Variants in MUC17 observed in about 807,000 individuals in gnomAD.
MUC17 encodes the protein mucin 17, cell surface associated.
In MUC17, 190 loss-of-function variants were observed where a neutral mutation model predicts 170.3. The ratio of observed to expected loss-of-function variants is 1.12; its 90% CI spans 0.99 to 1.26. The LOEUF (loss-of-function observed/expected upper bound fraction) is 1.26. Among genes scored for constraint, MUC17 ranks in the 50% most tolerant of loss-of-function variants. MUC17 has a pLI of 0.00. For missense variants in MUC17, 6,415 were observed against 5,530.0 expected (o/e 1.16, Z -5.08); for synonymous variants, 2,325 against 2,002.5 (o/e 1.16, Z -4.30).
rs1448581081 is a variant in MUC17 at position 101,033,393 on chromosome 7, T to G, written c.1977T>G (p.Pro659=). ...CAACTCCTGTTGACTCCAACACTCC[T>G]GTGACCACTTCAACTGAAGCCACTT... The part of the protein sequence containing the change: ...LSTTPVDSNT[P]VTTSTEATSS... Residue 659 remains proline, a synonymous_variant, in exon 3 of 13, where the codon CCT becomes CCG. Transcript: ENST00000306151. The G allele has an allele frequency of 6.2e-7, 1 of 1,613,990 alleles. No homozygotes were observed. The highest frequency in any genetic ancestry group is 2.2e-5 in the East Asian group (1 of 44,866).
intron 1 of MUC17, among the ~76,000 whole-genome samples, chr7:101,029,888 C>T (rs1584857001): frequency 6.6e-6 from 1 of 152,076 alleles, no homozygotes. Flanking sequence ...CGTGAACCAC[C>T]GTGCCCGACC....
At position 101,048,988 on chromosome 7, in the gene MUC17, C is replaced by T. The variant is rs753044064; in HGVS notation, c.12663+16C>T. The T allele has an allele frequency of 1.1e-5, 17 of 1,613,942 alleles. No homozygotes were observed. The South Asian group carries it at 1.6e-4, about 16-fold the overall frequency. On this transcript the variant is annotated intron_variant, in intron 5 of 12. Transcript: ENST00000306151. Reference sequence around the variant, plus strand: ...CACGGAACAGGTAAGTCTGGGAGAGCAAGGCCCCATAGCTACTCAGTTCCC... The same window carrying T: ...CACGGAACAGGTAAGTCTGGGAGAGTAAGGCCCCATAGCTACTCAGTTCCC...
chr7:101,048,222 T>A (rs1794876688), intron 4 of MUC17, 107 bp downstream of exon 4: 1 of 1,137,016 alleles, frequency 8.8e-7, no homozygotes, highest in South Asian at 2.2e-5. Context: ...TAGGGCCTCT[T>A]CTGGGCTGTG....
chr7:101,027,918 C>T (rs1794209363), intron 1 of MUC17, among the ~76,000 whole-genome samples: 1 of 151,460 alleles, frequency 6.6e-6, no homozygotes, highest in Non-Finnish European at 1.5e-5. Flanking sequence ...ACTACAGGTG[C>T]ATGCCATGAT....
Position 101,042,763 on chromosome 7 carries a change from A to G in MUC17, c.11347A>G (p.Met3783Val), listed in dbSNP as rs746757935. 4 of 1,614,030 alleles carry G rather than the reference A, an allele frequency of 2.5e-6. No individual in the cohort carries two copies. Among genetic ancestry groups the G allele is most frequent in the African/African-American group, 2.7e-5 (2 of 74,924 alleles). ...TTCCATACCATCTGTTTACACCAGCATGTCTATGACCACTGCCTCTGAAGG... is the reference window on the plus strand; with the variant it reads ...TTCCATACCATCTGTTTACACCAGCGTGTCTATGACCACTGCCTCTGAAGG... ...TPSIPSVYTS[M>V]SMTTASEGSS... Residue 3783 changes from methionine (M) to valine (V), a missense_variant, in exon 3 of 13, where the codon ATG becomes GTG. Met to Val is a conservative substitution (Grantham distance 21). Coordinates refer to ENST00000306151, the MANE Select transcript of MUC17 (RefSeq NM_001040105.2).
rs146243352 is a variant in MUC17 at position 101,035,540 on chromosome 7, G to A, written c.4124G>A (p.Cys1375Tyr). The change falls in exon 3 of 13, where the codon TGT (cysteine) becomes TAT (tyrosine). Residue 1375 changes from cysteine to tyrosine, a missense_variant. Transcript: ENST00000306151. ...CCTGTGACCACTTCTACTGAAGCCT[G>A]TTCATCTCCTACAACTTCTGAAGGT... ...STPVTTSTEA[C>Y]SSPTTSEGTS... The A allele has an allele frequency of 1.4e-3, 2,201 of 1,596,628 alleles. 34 individuals are homozygous for A. The African/African-American group carries it at 0.026, about 19-fold the overall frequency.
At position 101,032,240 on chromosome 7, in the gene MUC17, C is replaced by G. The variant is rs756698274; in HGVS notation, c.824C>G (p.Thr275Ser). ...AACTCAGCTCCTAGTGGAGGAAGCA[C>G]TCCATTAACAAGAATGCCTCTCAGC... ...LSNSAPSGGSTPLTRMPLSVM... is the reference protein window; with the variant it reads ...LSNSAPSGGSSPLTRMPLSVM... Residue 275 changes from threonine to serine, a missense_variant, in exon 3 of 13, where the codon ACT (threonine) becomes AGT (serine). Transcript: ENST00000306151. 2 of 1,614,090 alleles carry G rather than the reference C, an allele frequency of 1.2e-6. No individual in the cohort carries two copies. The highest frequency in any genetic ancestry group is 2.2e-5 in the South Asian group (2 of 91,074).
Position 101,033,825 on chromosome 7 carries a change from A to G in MUC17, c.2409A>G (p.Glu803=), listed in dbSNP as rs753284645. 8 of 1,613,820 alleles carry G rather than the reference A, an allele frequency of 5.0e-6. No individual in the cohort carries two copies. In the South Asian group the frequency reaches 5.5e-5, roughly 11 times the overall value. Residue 803 remains glutamate, a synonymous_variant, in exon 3 of 13, where the codon GAA becomes GAG. Transcript: ENST00000306151. ...GCATGCCAATCTCAACTCCTAGTGA[A>G]GGAAGTCCTTTATTAACAAGTATAC... ...GTSMPISTPS[E]GSPLLTSIPV...
chr7:101,053,868 G>A (rs1373723468), intron 11 of MUC17, among the ~76,000 whole-genome samples: 1 of 144,700 alleles, frequency 6.9e-6, no homozygotes, highest in Admixed American at 6.9e-5. Flanking sequence ...CAACAAGCAC[G>A]AAACTCCGTC....
At chr7:101,030,044 T>C (rs1191827623) in intron 1 of MUC17, among the ~76,000 whole-genome samples, 1 of 152,200 alleles carries the variant, frequency 6.6e-6, no homozygotes, top group Non-Finnish European at 1.5e-5. Context: ...AAATTAAATG[T>C]ATATATTTTT....
At position 101,039,092 on chromosome 7, in the gene MUC17, C is replaced by T; in HGVS notation, c.7676C>T (p.Ala2559Val). 6.2e-7 allele frequency: 1 copy of T among 1,613,704 alleles called. No individual in the cohort carries two copies. Among genetic ancestry groups the T allele is most frequent in the South Asian group, 1.1e-5 (1 of 91,052 alleles). Reference sequence around the variant, plus strand: ...GAAATCAGTTCATCTGCTACATCCGCTGAAGGTACCAGCATGCCTACCTCA... The same window carrying T: ...GAAATCAGTTCATCTGCTACATCCGTTGAAGGTACCAGCATGCCTACCTCA... ...STEISSSATS[A>V]EGTSMPTSTY... The change falls in exon 3 of 13, where the codon GCT becomes GTT. Residue 2559 changes from alanine to valine, a missense_variant. Coordinates refer to ENST00000306151, the MANE Select transcript of MUC17 (RefSeq NM_001040105.2).
chr7:101,055,825 A>G (rs1487123690), intron 11 of MUC17, among the ~76,000 whole-genome samples: 1 of 152,266 alleles, frequency 6.6e-6, no homozygotes, highest in Admixed American at 6.5e-5. Context: ...TAATGCAAGT[A>G]TGTTAGAAAT....
In MUC17 at chr7:101,038,508, C is replaced by T. The variant is rs1794569313; in HGVS notation, c.7092C>T (p.Asp2364=). 6.2e-7 allele frequency: 1 copy of T among 1,604,826 alleles called. No individual in the cohort carries two copies. The highest frequency in any genetic ancestry group is 2.3e-5 in the East Asian group (1 of 43,846). Residue 2364 remains aspartate, a synonymous_variant, in exon 3 of 13, where the codon GAC becomes GAT. Coordinates refer to ENST00000306151, the MANE Select transcript of MUC17 (RefSeq NM_001040105.2). The part of the protein sequence containing the change: ...ETSTLSTTPA[D]TSTPVTTYSQ... ...GCACACTTTCTACAACTCCTGCTGA[C>T]ACCAGCACACCTGTGACTACTTATT...
Position 101,033,314 on chromosome 7 carries a change from G to A in MUC17, c.1898G>A (p.Ser633Asn), listed in dbSNP as rs1405034703. ...TYSERGTTIT[S>N]MSVSTTLVAS... ...AGTGAAAGAGGCACTACAATAACAA[G>A]TATGTCTGTCAGCACCACACTGGTG... Residue 633 changes from serine to asparagine, a missense_variant, in exon 3 of 13, where the codon AGT becomes AAT. Ser to Asn is a conservative substitution (Grantham distance 46). Coordinates refer to ENST00000306151, the MANE Select transcript of MUC17 (RefSeq NM_001040105.2). The A allele has an allele frequency of 1.2e-6, 2 of 1,612,932 alleles. No homozygotes were observed. Among genetic ancestry groups the A allele is most frequent in the Admixed American group, 1.7e-5 (1 of 59,914 alleles).
rs200390036 is a variant in MUC17 at position 101,042,615 on chromosome 7, A to G, written c.11199A>G (p.Ser3733=). ...TPVTTSTEAI[S]SSATLDSTTM... ...TGACCACTTCTACTGAAGCCATTTC[A>G]TCTTCTGCAACTCTTGACAGCACCA... is the stretch of plus-strand genomic sequence containing the variant. The change falls in exon 3 of 13, where the codon TCA becomes TCG. Residue 3733 remains serine (S), a synonymous_variant. Coordinates refer to ENST00000306151, the MANE Select transcript of MUC17 (RefSeq NM_001040105.2). The G allele has an allele frequency of 1.2e-6, 2 of 1,613,990 alleles. No homozygotes were observed. The highest frequency in any genetic ancestry group is 2.7e-5 in the African/African-American group (2 of 74,924).
rs148032690 is a variant in MUC17 at position 101,024,098 on chromosome 7, T to C, written c.82+3881T>C. Among the ~76,000 whole-genome samples the C allele has an allele frequency of 7.1e-3, 1,076 of 152,170 alleles. 13 individuals carry two copies. The highest frequency in any genetic ancestry group is 0.024 in the African/African-American group (995 of 41,536). On this transcript the variant is annotated intron_variant, in intron 1 of 12. Coordinates refer to ENST00000306151, the MANE Select transcript of MUC17 (RefSeq NM_001040105.2). ...GATGGGAGGGAGCAGGCTTTCTTTT[T>C]TTTTTAAAAGAGAAATTGCTGACCA...
In MUC17 at chr7:101,032,406, T is replaced by G; in HGVS notation, c.990T>G (p.Thr330=). 1 of 1,613,622 alleles carries G rather than the reference T, an allele frequency of 6.2e-7. No individual in the cohort carries two copies. Among genetic ancestry groups the G allele is most frequent in the Non-Finnish European group, 8.5e-7 (1 of 1,179,804 alleles). Residue 330 remains threonine (T), a synonymous_variant, in exon 3 of 13, where the codon ACT becomes ACG. Transcript: ENST00000306151. ...EGTSIPTSTY[T]EGSTPLTSTP... is the part of the protein sequence containing the mutation. ...CCAGCATACCAACCTCAACTTATAC[T>G]GAAGGAAGCACTCCATTAACAAGTA... is the stretch of plus-strand genomic sequence containing the variant.
At position 101,036,674 on chromosome 7, in the gene MUC17, G is replaced by A. The variant is rs1278116521; in HGVS notation, c.5258G>A (p.Ser1753Asn). 2 of 1,613,084 alleles carry A rather than the reference G, an allele frequency of 1.2e-6. No individual in the cohort carries two copies. The highest frequency in any genetic ancestry group is 1.7e-6 in the Non-Finnish European group (2 of 1,179,756). The change falls in exon 3 of 13, where the codon AGT (serine) becomes AAT (asparagine). Residue 1753 changes from serine (S) to asparagine (N), a missense_variant. Coordinates refer to ENST00000306151, the MANE Select transcript of MUC17 (RefSeq NM_001040105.2). Reference protein sequence around the residue: ...TPSEGTTPLTSIPVSTTPVLS... With the variant: ...TPSEGTTPLTNIPVSTTPVLS... ...AGTGAAGGAACCACTCCATTAACAA[G>A]TATACCTGTCAGCACCACGCCGGTA...
Position 101,042,163 on chromosome 7 carries a change from C to T in MUC17, c.10747C>T (p.Leu3583Phe), listed in dbSNP as rs1383368336. The T allele has an allele frequency of 1.9e-6, 3 of 1,613,954 alleles. No individual in the cohort carries two copies. The highest frequency in any genetic ancestry group is 2.5e-6 in the Non-Finnish European group (3 of 1,180,000). Residue 3583 changes from leucine (L) to phenylalanine (F), a missense_variant, in exon 3 of 13, where the codon CTC becomes TTC. Physicochemically the swap from Leu to Phe is conservative, Grantham distance 22. Transcript: ENST00000306151. ...EGSSSLTTML[L>F]SSTYVTSSEA... ...AAGCTCTTCATTAACAACTATGCTC[C>T]TCAGCAGCACATATGTGACCAGTTC...
Sources: gnomAD v4.1 joint callset for allele counts (sites outside exome capture counted in the v4.1 genomes callset) on GRCh38, gnomAD v4.1.1 for gene constraint, MANE v1.5 for transcripts, NCBI Gene and HGNC (gene_info 2026-07-23, HGNC 2026-07-21) for gene names.